SPECC1: variants seen among roughly 807,000 people sequenced by gnomAD.
SPECC1 encodes cytospin-B.
A neutral mutation model predicts 104.1 loss-of-function variants in SPECC1; 62 were observed. That is an observed-to-expected ratio of 0.60 (90% confidence interval 0.49 to 0.74). The LOEUF (loss-of-function observed/expected upper bound fraction) is 0.74, where lower values mean the gene tolerates loss of function less well. Among genes scored for constraint, SPECC1 ranks in the 30% least tolerant of loss-of-function variants. SPECC1 has a pLI of 0.00. For missense variants in SPECC1, 1,306 were observed against 1,310.5 expected, an observed-to-expected ratio of 1.00 and a Z score of 0.05; for synonymous variants, 513 against 501.6, an observed-to-expected ratio of 1.02 and a Z score of -0.30.
chr17:20,111,567 C>T (rs1471534648), intron 3 of SPECC1, among the ~76,000 whole-genome samples: 3 of 152,110 alleles, frequency 2.0e-5, no homozygotes, highest in Non-Finnish European at 4.4e-5. Context: ...TAACAGTGAT[C>T]CCAAAAGTTA....
In SPECC1 at chr17:20,183,749, A is replaced by G. The variant is rs546581420; in HGVS notation, c.284-20584A>G. On this transcript the variant is annotated intron_variant, in intron 3 of 14. Coordinates refer to ENST00000395527, the MANE Select transcript of SPECC1 (RefSeq NM_001243439.2). ...GAATAATGACAAGAAAAACATGTCT[A>G]TATACATTCAGATGTACCCATCCCT... Among the ~76,000 whole-genome samples the G allele has an allele frequency of 1.4e-3, 211 of 152,310 alleles. 2 individuals are homozygous for G. In the South Asian group the frequency reaches 0.04, roughly 29 times the overall value.
chr17:20,152,382 T>C (rs2032085950), intron 3 of SPECC1, among the ~76,000 whole-genome samples: 1 of 152,182 alleles, frequency 6.6e-6, no homozygotes, highest in East Asian at 1.9e-4. Flanking sequence ...CTGTCTGAGA[T>C]GTGCAGGCAG....
chr17:20,272,366 C>A (rs2040437620), intron 12 of SPECC1, among the ~76,000 whole-genome samples: 2 of 150,788 alleles, frequency 1.3e-5, no homozygotes, highest in South Asian at 4.2e-4. Context: ...TGCATCATTT[C>A]AATTGTTTTT....
intron 1 of SPECC1, among the ~76,000 whole-genome samples, chr17:20,021,945 A>ATTTTTTTTTTTTTTTTTTTT: frequency 1.3e-5 from 2 of 149,314 alleles, no homozygotes; most frequent in Non-Finnish European, 3.0e-5. Flanking sequence ...AATTATAATT[A>ATTTTTTTTTTTTTTTTTTTT]TTATTATATT....
intron 1 of SPECC1, among the ~76,000 whole-genome samples, chr17:20,066,931 T>G (rs557457006): frequency 1.4e-4 from 20 of 147,896 alleles, no homozygotes; most frequent in South Asian, 2.2e-4. Flanking sequence ...TTTTTTTTTT[T>G]GGTAGAGATA....
intron 1 of SPECC1, among the ~76,000 whole-genome samples, chr17:20,095,372 G>A (rs1254757801): frequency 3.9e-5 from 6 of 152,268 alleles, no homozygotes; most frequent in Admixed American, 2.6e-4. Context: ...AAATTACGCC[G>A]CCTTTAAAGG....
chr17:20,276,896 G>A (rs2040592313), intron 12 of SPECC1, among the ~76,000 whole-genome samples: 2 of 152,344 alleles, frequency 1.3e-5, no homozygotes, highest in Admixed American at 1.3e-4. Flanking sequence ...CTCTTGCCAG[G>A]GCTGCTTTCT....
intron 3 of SPECC1, among the ~76,000 whole-genome samples, chr17:20,174,897 G>A (rs546443400): frequency 7.9e-4 from 119 of 151,328 alleles, no homozygotes; most frequent in African/African-American, 2.7e-3. Flanking sequence ...CTCTGCCTTG[G>A]TCAAAATGAC....
At chr17:20,088,106 G>T (rs1218131686) in intron 1 of SPECC1, among the ~76,000 whole-genome samples, 1 of 152,156 alleles carries the variant, frequency 6.6e-6, no homozygotes, top group African/African-American at 2.4e-5. Context: ...GAGGAGGTGG[G>T]CAGGGCCAGG....
intron 3 of SPECC1, among the ~76,000 whole-genome samples, chr17:20,126,010 G>T (rs1462480367): frequency 6.6e-6 from 1 of 152,170 alleles, no homozygotes; most frequent in Non-Finnish European, 1.5e-5. Context: ...GGGGATGGCA[G>T]CTCTCCTGGG....
chr17:20,082,893 C>G (rs912206939), intron 1 of SPECC1, among the ~76,000 whole-genome samples: 1 of 152,126 alleles, frequency 6.6e-6, no homozygotes, highest in Non-Finnish European at 1.5e-5. Context: ...CCAGCACCCA[C>G]TGTGCTCACA....
At chr17:20,298,812 C>T (rs1444304952) in intron 13 of SPECC1, among the ~76,000 whole-genome samples, 1 of 151,342 alleles carries the variant, frequency 6.6e-6, no homozygotes, top group African/African-American at 2.4e-5. Flanking sequence ...TTCGATTATC[C>T]CACATCAGGA....
rs374384672 is a variant in SPECC1 at position 20,205,811 on chromosome 17, C to G, written c.1762C>G (p.Arg588Gly). Residue 588 changes from arginine to glycine, a missense_variant, in exon 4 of 15, where the codon CGA becomes GGA. Around this residue, in one of 2 missense-constraint regions of SPECC1, gnomAD observed 1,177 missense variants for 1,139.9 expected, o/e 1.03. Coordinates refer to ENST00000395527, the MANE Select transcript of SPECC1 (RefSeq NM_001243439.2). ...CEVQEMLKVA[R>G]AEKDLLELSC... ...AGTTCAAGAAATGTTGAAAGTAGCC[C>G]GAGCAGAGAAAGATCTACTGGAACT... 446 of 1,614,008 alleles carry G rather than the reference C, an allele frequency of 2.8e-4. No homozygotes were observed. Among genetic ancestry groups the G allele is most frequent in the Non-Finnish European group, 3.6e-4 (427 of 1,180,028 alleles).
chr17:20,253,416 A>G, intron 9 of SPECC1, 89 bp from the exon 10 acceptor site: 1 of 1,290,746 alleles, frequency 7.7e-7, no homozygotes, highest in Non-Finnish European at 1.1e-6. Context: ...GAACTGTTGC[A>G]CACACACGCA....
chr17:20,082,545 A>G (rs2047014814), intron 1 of SPECC1, among the ~76,000 whole-genome samples: 1 of 152,048 alleles, frequency 6.6e-6, no homozygotes, highest in South Asian at 2.1e-4. Context: ...TCAGTGAGGT[A>G]TGATCATGCC....
intron 1 of SPECC1, among the ~76,000 whole-genome samples, chr17:20,042,224 G>C (rs907677929): frequency 6.6e-6 from 1 of 152,150 alleles, no homozygotes. Flanking sequence ...GACACCCAAT[G>C]GGGTGGGGGA....
intron 1 of SPECC1, among the ~76,000 whole-genome samples, chr17:20,028,481 A>G (rs1390264966): frequency 6.6e-6 from 1 of 152,032 alleles, no homozygotes; most frequent in African/African-American, 2.4e-5. Context: ...CAAAAAAGAA[A>G]AAAAAAAAGA....
intron 1 of SPECC1, among the ~76,000 whole-genome samples, chr17:20,075,745 A>G (rs2046734955): frequency 6.6e-6 from 1 of 152,176 alleles, no homozygotes; most frequent in African/African-American, 2.4e-5. Context: ...CAGGAGTTCA[A>G]GACCAGCCTG....
At chr17:20,249,250 T>G (rs2039534710) in intron 9 of SPECC1, among the ~76,000 whole-genome samples, 1 of 152,026 alleles carries the variant, frequency 6.6e-6, no homozygotes, top group Middle Eastern at 3.2e-3. Flanking sequence ...AAACCCCGTC[T>G]CTACTAAAAA....
Sources: gnomAD v4.1 joint callset for allele counts (sites outside exome capture counted in the v4.1 genomes callset) on GRCh38, gnomAD v4.1.1 for gene constraint, gnomAD v4.1.1 regional missense constraint, MANE v1.5 for transcripts, NCBI Gene and HGNC (gene_info 2026-07-23, HGNC 2026-07-21) for gene names.